LAMA1: variants seen among roughly 807,000 people sequenced by gnomAD.
The protein encoded by LAMA1 is laminin subunit alpha-1.
LAMA1 carries 219 observed loss-of-function variants against 348.7 expected under a neutral mutation model. That is an observed-to-expected ratio of 0.63 (90% CI 0.56 to 0.70). The LOEUF (loss-of-function observed/expected upper bound fraction) is 0.70, where lower values mean the gene tolerates loss of function less well. Ranked by LOEUF, LAMA1 falls within the 30% of genes least tolerant of loss-of-function variation. The pLI is 0.00. For synonymous variants in LAMA1, 1,487 were observed against 1,491.0 expected (o/e 1.00, Z 0.06); for missense variants, 3,744 against 3,888.0 (o/e 0.96, Z 0.99).
intron 57 of LAMA1, among the ~76,000 whole-genome samples, chr18:6,953,093 C>T (rs2057556663): frequency 6.7e-6 from 1 of 149,106 alleles, no homozygotes; most frequent in African/African-American, 2.5e-5. Flanking sequence ...TGCCTGTGTC[C>T]AGTGGATCCA....
intron 26 of LAMA1, among the ~76,000 whole-genome samples, chr18:7,009,820 G>A (rs1486536066): frequency 3.9e-5 from 6 of 152,108 alleles, no homozygotes; most frequent in Non-Finnish European, 8.8e-5. Flanking sequence ...TTTGATCCCA[G>A]GGTCTTCTTG....
chr18:7,083,669 AT>A lies in LAMA1; in HGVS notation c.62-3213del, dbSNP rs113148172. ...CAGATAAGCTAATATTTGGAAAAAA[AT>A]ATTCACTAAAAATGATGTCTTACAT... On this transcript the variant is annotated intron_variant, in intron 1 of 62. Transcript: ENST00000389658. Among the ~76,000 whole-genome samples, 541 of 152,264 alleles carry A rather than the reference AT, an allele frequency of 3.6e-3. 5 individuals are homozygous for A. Among genetic ancestry groups the A allele is most frequent in the African/African-American group, 0.012 (503 of 41,546 alleles).
rs2057502255 is a variant in LAMA1 at position 6,942,300 on chromosome 18, A to T, written c.9068-61T>A. On this transcript the variant is annotated intron_variant, in intron 62 of 62. Transcript: ENST00000389658. Reference sequence around the variant, plus strand: ...ATTTTGTTGAAATGCGATCCATAGCACAAAAGCAACAGAAATAATCTCAAG... The same window carrying T: ...ATTTTGTTGAAATGCGATCCATAGCTCAAAAGCAACAGAAATAATCTCAAG... 3 of 1,549,168 alleles carry T rather than the reference A, an allele frequency of 1.9e-6. No individual in the cohort carries two copies. The East Asian group carries it at 6.7e-5, about 35-fold the overall frequency.
At chr18:6,995,329 A>AGGTT (rs761421935) in intron 34 of LAMA1, 28 bp downstream of exon 34, 2 of 1,489,668 alleles carry the variant, frequency 1.3e-6, no homozygotes, top group Non-Finnish European at 1.9e-6. Flanking sequence ...ACCAGGAGGA[A>AGGTT]GGTTGGTTGG....
rs559598944 is a variant in LAMA1, at chr18:7,093,402, C to G, written c.62-12945G>C. On this transcript the variant is annotated intron_variant, in intron 1 of 62. Transcript: ENST00000389658. ...CTGCACTCCAGCCTGGGCGACAGAGCCAGACTCGGTCAAAAAAAAAGGCAT... is the reference window on the plus strand; with the variant it reads ...CTGCACTCCAGCCTGGGCGACAGAGGCAGACTCGGTCAAAAAAAAAGGCAT... Among the ~76,000 whole-genome samples the G allele has an allele frequency of 2.6e-5, 4 of 152,000 alleles. No homozygotes were observed. The South Asian group carries it at 8.3e-4, about 32-fold the overall frequency.
At chr18:6,973,373 A>C (rs1017268908) in intron 46 of LAMA1, among the ~76,000 whole-genome samples, 166 bp from the exon 47 acceptor site, 1 of 152,114 alleles carries the variant, frequency 6.6e-6, no homozygotes, top group Non-Finnish European at 1.5e-5. Flanking sequence ...CGAAATCTTC[A>C]AGAGTGTCTC....
rs1271226253 is a variant in LAMA1, at chr18:6,942,213, T to C, written c.9094A>G (p.Ser3032Gly). The C allele has an allele frequency of 7.4e-6, 12 of 1,614,166 alleles. No individual in the cohort carries two copies. The highest frequency in any genetic ancestry group is 1.0e-5 in the Non-Finnish European group (12 of 1,180,030). Residue 3032 changes from serine (S) to glycine (G), a missense_variant, in exon 63 of 63, where the codon AGC becomes GGC. Ser to Gly is a moderately conservative substitution (Grantham distance 56, BLOSUM62 0). This residue lies in a region of LAMA1 where 232 missense variants were observed against 264.4 expected (regional missense o/e 0.88). Transcript: ENST00000389658. ...AAACACCCGCGGAACGAGGTCTGGC[T>C]GCGCAGGCATTTTTGCTTCACACCA... ...PAGVKQKCLR[S>G]QTSFRGCLRK...
intron 3 of LAMA1, among the ~76,000 whole-genome samples, chr18:7,051,746 A>G (rs1397342163): frequency 1.3e-5 from 2 of 152,226 alleles, no homozygotes; most frequent in Non-Finnish European, 2.9e-5. Context: ...CATCTACAGA[A>G]TGGCTAAAAT....
chr18:6,955,490 C>T (rs1327716457), intron 56 of LAMA1, 25 bp from the exon 57 acceptor site: 2 of 1,570,604 alleles, frequency 1.3e-6, no homozygotes, highest in African/African-American at 1.4e-5. Context: ...CAGGGACACT[C>T]AGCCGCCACC....
At chr18:7,054,167 C>T (rs2058072713) in intron 3 of LAMA1, among the ~76,000 whole-genome samples, 1 of 152,138 alleles carries the variant, frequency 6.6e-6, no homozygotes, top group Non-Finnish European at 1.5e-5. Context: ...ATGTAACTGT[C>T]CTTCAAGTAT....
At position 7,010,253 on chromosome 18, in the gene LAMA1, C is replaced by T. The variant is rs143604755; in HGVS notation, c.3820G>A (p.Ala1274Thr). The part of the protein sequence containing the change: ...RIRKQVIYMD[A>T]PAPENGVRQE... ...CTCACTCCATTCTCTGGGGCTGGTG[C>T]ATCCATGTAAATGACTTGCTTTCTG... Residue 1274 changes from alanine to threonine, a missense_variant, in exon 26 of 63, where the codon GCA becomes ACA. Physicochemically the swap from Ala to Thr is moderately conservative, Grantham distance 58. This residue lies in a region of LAMA1 where 1,529 missense variants were observed against 1,689.4 expected (regional missense o/e 0.91). Transcript: ENST00000389658. The T allele has an allele frequency of 9.9e-6, 16 of 1,614,162 alleles. No individual in the cohort carries two copies. In the African/African-American group the frequency reaches 2.0e-4, roughly 20 times the overall value.
rs2057660103 is a variant in LAMA1 at position 6,971,894 on chromosome 18, T to TA, written c.6861dup (p.Ile2288TyrfsTer2). On this transcript the variant is annotated frameshift_variant, in exon 48 of 63. Coordinates refer to ENST00000389658, the MANE Select transcript of LAMA1 (RefSeq NM_005559.4). LOFTEE classifies it high-confidence loss of function. ...CCACGGCACTTGCCTTCCCTTTCAATATAGTTCCATAGGCCTATGGATTTT... is the reference window on the plus strand; with the variant it reads ...CCACGGCACTTGCCTTCCCTTTCAATAATAGTTCCATAGGCCTATGGATTTT... 6.2e-7 allele frequency: 1 copy of TA among 1,614,136 alleles called. No homozygotes were observed. The highest frequency in any genetic ancestry group is 8.5e-7 in the Non-Finnish European group (1 of 1,180,022).
At chr18:7,109,862 C>T (rs1438311999) in intron 1 of LAMA1, among the ~76,000 whole-genome samples, 1 of 152,122 alleles carries the variant, frequency 6.6e-6, no homozygotes, top group Non-Finnish European at 1.5e-5. Flanking sequence ...AATGAAAGGA[C>T]ACGAGCTAGC....
chr18:7,025,922 T>C (rs2057940633), intron 17 of LAMA1, 57 bp downstream of exon 17: 3 of 1,570,402 alleles, frequency 1.9e-6, no homozygotes, highest in Non-Finnish European at 2.6e-6. Flanking sequence ...TTAGTACGCA[T>C]CTGGGTGGGA....
At chr18:6,977,583 T>G in intron 44 of LAMA1, 144 bp downstream of exon 44, 1 of 840,072 alleles carries the variant, frequency 1.2e-6, no homozygotes, top group Non-Finnish European at 1.8e-6. Context: ...AAGACAGGGC[T>G]ATGAGGAAGC....
At chr18:7,028,946 T>C (rs1241731256) in intron 16 of LAMA1, among the ~76,000 whole-genome samples, 3 of 152,242 alleles carry the variant, frequency 2.0e-5, no homozygotes, top group Admixed American at 2.0e-4. Context: ...CTACGGCCAC[T>C]CATTTTACAT....
In LAMA1 at chr18:7,003,155, C is replaced by G. The variant is rs376634654; in HGVS notation, c.4261-770G>C. 4.6e-5 allele frequency among the ~76,000 whole-genome samples: 7 copies of G among 152,002 alleles called. No homozygotes were observed. The Middle Eastern group carries it at 0.017, about 369-fold the overall frequency. On this transcript the variant is annotated intron_variant, in intron 29 of 62. Coordinates refer to ENST00000389658, the MANE Select transcript of LAMA1 (RefSeq NM_005559.4). ...GCCTTGGCCTCCTAAGTAGCTGGGA[C>G]GACATGCACGAGCCACCCCATGTGG...
At chr18:6,970,346 G>C (rs2075620760) in intron 48 of LAMA1, among the ~76,000 whole-genome samples, 2 of 152,212 alleles carry the variant, frequency 1.3e-5, no homozygotes, top group Non-Finnish European at 2.9e-5. Context: ...GACCAGTGGT[G>C]AAGACTGGTA....
intron 1 of LAMA1, among the ~76,000 whole-genome samples, chr18:7,109,167 C>T (rs1172088149): frequency 6.6e-6 from 1 of 152,164 alleles, no homozygotes; most frequent in African/African-American, 2.4e-5. Context: ...GACCACATAC[C>T]CAGAGAGGTG....
Sources: allele counts gnomAD v4.1 joint callset (sites outside exome capture counted in the v4.1 genomes callset), GRCh38; gene constraint gnomAD v4.1.1; regional missense constraint gnomAD v4.1.1; transcripts MANE v1.5; gene names NCBI Gene and HGNC (gene_info 2026-07-23, HGNC 2026-07-21).